SEC63: variants seen among roughly 807,000 people sequenced by gnomAD.
The protein encoded by SEC63 is SEC63 protein translocation regulator.
A neutral mutation model predicts 116.2 loss-of-function variants in SEC63; 56 were observed. The ratio of observed to expected loss-of-function variants is 0.48; its 90% CI spans 0.39 to 0.60. The LOEUF is 0.60. SEC63 is among the 20% of genes least tolerant of loss of function. The pLI is 0.00. For missense variants in SEC63, 668 were observed against 900.0 expected (o/e 0.74, Z 3.30); for synonymous variants, 273 against 294.6 (o/e 0.93, Z 0.75).
rs143077816 is a variant in SEC63 at position 107,927,981 on chromosome 6, C to T, written c.224+1434G>A. Among the ~76,000 whole-genome samples, 170 of 152,072 alleles carry T rather than the reference C, an allele frequency of 1.1e-3. 3 individuals carry two copies. The highest frequency in any genetic ancestry group is 7.9e-3 in the Admixed American group (121 of 15,284). On this transcript the variant is annotated intron_variant, in intron 2 of 20. Coordinates refer to ENST00000369002, the MANE Select transcript of SEC63 (RefSeq NM_007214.5). ...TCGATTCACAGTTGGGTGAATCTTC[C>T]CACTTGGAACCCGCAGATATGGGGG...
intron 16 of SEC63, among the ~76,000 whole-genome samples, chr6:107,884,929 GAA>G (rs66992618): frequency 0.01 from 1,518 of 147,000 alleles, 18 homozygotes; most frequent in South Asian, 0.049. Flanking sequence ...GAAAAAAGTG[GAA>G]AAAAAAAAAA....
rs990274814 is a variant in SEC63 at position 107,922,049 on chromosome 6, CTA to C, written c.340-142_340-141del. The C allele has an allele frequency of 3.6e-5, 22 of 610,474 alleles. No individual in the cohort carries two copies. In the East Asian group the frequency reaches 5.5e-4, roughly 15 times the overall value. The allele number at this position is 610,474 out of a possible 1,614,324, so 37.8% of individuals were successfully genotyped here. A position where few individuals can be genotyped will look rare whatever the true frequency, so the allele number is the denominator to read the frequency against. Reference sequence around the variant, plus strand: ...AGAAAGACAAAATCCATTTTTCATCCTATATATTTTTCCCATAAATTTCATCC... The same window carrying C: ...AGAAAGACAAAATCCATTTTTCATCCTATATTTTTCCCATAAATTTCATCC... On this transcript the variant is annotated intron_variant, in intron 3 of 20. Transcript: ENST00000369002.
intron 16 of SEC63, among the ~76,000 whole-genome samples, chr6:107,892,938 T>C (rs1786717640): frequency 6.6e-6 from 1 of 152,196 alleles, no homozygotes; most frequent in Admixed American, 6.5e-5. Flanking sequence ...GCACCTACTT[T>C]ATAATCTAGC....
intron 3 of SEC63, among the ~76,000 whole-genome samples, chr6:107,923,611 A>C (rs921859063): frequency 6.6e-6 from 1 of 151,760 alleles, no homozygotes; most frequent in Non-Finnish European, 1.5e-5. Context: ...ACTCATCTCA[A>C]CCTTCTTGGC....
At position 107,946,451 on chromosome 6, in the gene SEC63, G is replaced by A. The variant is rs560918195; in HGVS notation, c.124+11435C>T. On this transcript the variant is annotated intron_variant, in intron 1 of 20. Transcript: ENST00000369002. The stretch of plus-strand genomic sequence containing the variant: ...ACTCTTTACCTCAAACAATCTGCCC[G>A]CCTTCAGCCTCCCAAAGTGCTGGGA... Among the ~76,000 whole-genome samples the A allele has an allele frequency of 9.3e-5, 14 of 150,610 alleles. No homozygotes were observed. The South Asian group carries it at 1.1e-3, about 11-fold the overall frequency.
At chr6:107,876,961 A>G in intron 18 of SEC63, 1 of 328,770 alleles carries the variant, frequency 3.0e-6, no homozygotes, top group Non-Finnish European at 5.8e-6. Context: ...GCATTATTCT[A>G]AATATATACA....
intron 4 of SEC63, among the ~76,000 whole-genome samples, chr6:107,916,514 C>T (rs1265833068): frequency 6.6e-6 from 1 of 152,192 alleles, no homozygotes; most frequent in Non-Finnish European, 1.5e-5. Flanking sequence ...TCACAATTTG[C>T]TATTATAACT....
chr6:107,929,315 T>C, intron 2 of SEC63, 100 bp downstream of exon 2: 2 of 689,476 alleles, frequency 2.9e-6, no homozygotes, highest in Non-Finnish European at 5.2e-6. Context: ...TACAATTTCT[T>C]TACAGACACA....
chr6:107,941,956 G>A (rs3800219), intron 1 of SEC63, among the ~76,000 whole-genome samples: 16,150 of 152,146 alleles, frequency 0.11, 967 homozygotes, highest in East Asian at 0.21. Flanking sequence ...AAAATAAAAA[G>A]CTGAAGTTTG....
intron 16 of SEC63, among the ~76,000 whole-genome samples, chr6:107,887,182 C>T (rs1322082546): frequency 4.0e-5 from 6 of 151,490 alleles, no homozygotes; most frequent in Non-Finnish European, 2.9e-5. Context: ...TTGTGGAAGT[C>T]AGTGTGGCAA....
At chr6:107,905,952 G>T (rs921509781) in intron 10 of SEC63, among the ~76,000 whole-genome samples, 1 of 152,090 alleles carries the variant, frequency 6.6e-6, no homozygotes, top group Non-Finnish European at 1.5e-5. Flanking sequence ...GGCCAAAAAA[G>T]AACAGCAACA....
chr6:107,944,821 A>G (rs1381093711), intron 1 of SEC63, among the ~76,000 whole-genome samples: 3 of 152,200 alleles, frequency 2.0e-5, no homozygotes, highest in East Asian at 3.8e-4. Flanking sequence ...AAATAAGACT[A>G]TGTTTATACT....
intron 18 of SEC63, among the ~76,000 whole-genome samples, chr6:107,879,710 A>T (rs1361818071): frequency 6.9e-6 from 1 of 144,222 alleles, no homozygotes; most frequent in Non-Finnish European, 1.5e-5. Context: ...TTTTGCTGAT[A>T]AAATGATTTT....
At chr6:107,931,979 G>C (rs1370010507) in intron 1 of SEC63, 1 of 153,424 alleles carries the variant, frequency 6.5e-6, no homozygotes, top group Admixed American at 6.5e-5. Flanking sequence ...AAATGTCCTA[G>C]GAAGAACACC....
chr6:107,931,473 A>G (rs1224048041), intron 1 of SEC63, among the ~76,000 whole-genome samples: 1 of 128,832 alleles, frequency 7.8e-6, no homozygotes, highest in East Asian at 2.3e-4. Context: ...GGACTGAAAG[A>G]CTCTCCCAAG....
At chr6:107,913,287 ATAT>A in intron 5 of SEC63, 76 bp downstream of exon 5, 1 of 940,618 alleles carries the variant, frequency 1.1e-6, no homozygotes, top group Non-Finnish European at 1.7e-6. Flanking sequence ...TAAGAAAATA[ATAT>A]TATTCCTTTA....
intron 1 of SEC63, among the ~76,000 whole-genome samples, chr6:107,956,755 GGACACTGAATCCA>G (rs1770720706): frequency 6.6e-6 from 1 of 152,154 alleles, no homozygotes; most frequent in African/African-American, 2.4e-5. Context: ...GAATGTTACA[GGACACTGAATCCA>G]TCTGAAAGTA....
intron 14 of SEC63, among the ~76,000 whole-genome samples, chr6:107,896,707 G>T (rs745732423): frequency 6.6e-6 from 1 of 152,048 alleles, no homozygotes; most frequent in Non-Finnish European, 1.5e-5. Context: ...GGCTGAGTGC[G>T]GTAGCTCACG....
At chr6:107,931,478 C>A (rs1787804742) in intron 1 of SEC63, among the ~76,000 whole-genome samples, 1 of 78,366 alleles carries the variant, frequency 1.3e-5, no homozygotes, top group Non-Finnish European at 3.4e-5. Context: ...GAAAGACTCT[C>A]CCAAGTTTAA....
Sources: allele counts gnomAD v4.1 joint callset (sites outside exome capture counted in the v4.1 genomes callset), GRCh38; gene constraint gnomAD v4.1.1; transcripts MANE v1.5; gene names NCBI Gene and HGNC (gene_info 2026-07-23, HGNC 2026-07-21).